Variants in HK2 observed in about 807,000 individuals in gnomAD.
HK2 encodes the protein hexokinase 2, also known as hexokinase-2.
A neutral mutation model predicts 92.9 loss-of-function variants in HK2; 42 were observed. That is an observed-to-expected ratio of 0.45 (90% confidence interval 0.35 to 0.58). HK2 has a LOEUF of 0.58. Ranked by LOEUF, HK2 falls within the 20% of genes least tolerant of loss-of-function variation. The pLI is 0.00. For synonymous variants in HK2, 422 were observed against 468.0 expected, an observed-to-expected ratio of 0.90 and a Z score of 1.27; for missense variants, 978 against 1,245.1, an observed-to-expected ratio of 0.79 and a Z score of 3.23.
At chr2:74,872,661 A>G (rs540650876) in intron 4 of HK2, among the ~76,000 whole-genome samples, 4 of 152,276 alleles carry the variant, frequency 2.6e-5, no homozygotes, top group African/African-American at 9.6e-5. Flanking sequence ...TCCCCTCCAC[A>G]GAAACAGGAA....
chr2:74,851,918 T>C (rs1688580520), intron 1 of HK2, among the ~76,000 whole-genome samples: 1 of 152,210 alleles, frequency 6.6e-6, no homozygotes, highest in Admixed American at 6.5e-5. Context: ...CCTGCAATGC[T>C]GTTTGACCTG....
At chr2:74,835,732 A>C (rs1368092507) in intron 1 of HK2, among the ~76,000 whole-genome samples, 1 of 152,314 alleles carries the variant, frequency 6.6e-6, no homozygotes, top group African/African-American at 2.4e-5. Context: ...GAGGTAGGGG[A>C]CAAGTTGGGA....
In HK2 at chr2:74,878,858, A is replaced by G. The variant is rs1380583227; in HGVS notation, c.1202A>G (p.Lys401Arg). ...AAVLQRIKEN[K>R]GEERLRSTIG... ...GTGCTGCAGCGCATCAAGGAGAACAAAGGCGAGGAGCGGCTGCGCTCTACT... is the reference window on the plus strand; with the variant it reads ...GTGCTGCAGCGCATCAAGGAGAACAGAGGCGAGGAGCGGCTGCGCTCTACT... Residue 401 changes from lysine to arginine, a missense_variant, in exon 9 of 18, where the codon AAA (lysine) becomes AGA (arginine). Transcript: ENST00000290573. 7 of 1,553,268 alleles carry G rather than the reference A, an allele frequency of 4.5e-6. No homozygotes were observed. Among genetic ancestry groups the G allele is most frequent in the East Asian group, 2.4e-5 (1 of 41,050 alleles).
At chr2:74,866,462 G>A (rs935246253) in intron 2 of HK2, among the ~76,000 whole-genome samples, 5 of 152,158 alleles carry the variant, frequency 3.3e-5, no homozygotes, top group African/African-American at 1.2e-4. Context: ...CTGCGGATGC[G>A]CCTTGCCTGC....
intron 2 of HK2, among the ~76,000 whole-genome samples, chr2:74,865,481 C>T (rs1036910532): frequency 6.6e-5 from 10 of 152,054 alleles, no homozygotes; most frequent in African/African-American, 2.2e-4. Flanking sequence ...GGCATTTCAT[C>T]TTTGATATCC....
At chr2:74,869,513 G>A (rs1011520463) in intron 3 of HK2, among the ~76,000 whole-genome samples, 9 of 152,188 alleles carry the variant, frequency 5.9e-5, no homozygotes, top group Non-Finnish European at 1.2e-4. Flanking sequence ...TTGTGAACCT[G>A]GGCAATGGGG....
intron 1 of HK2, chr2:74,835,219 C>G (rs1573345739): frequency 5.8e-6 from 1 of 173,376 alleles, no homozygotes. Flanking sequence ...CGCCGCGCCC[C>G]CTCCCCGGAA....
chr2:74,886,071 G>C (rs1264933785), intron 13 of HK2, among the ~76,000 whole-genome samples: 1 of 151,922 alleles, frequency 6.6e-6, no homozygotes, highest in East Asian at 1.9e-4. Flanking sequence ...GGGGTGAGGA[G>C]AGCAGATGGA....
chr2:74,888,863 T>A (rs913134360), intron 16 of HK2, among the ~76,000 whole-genome samples: 8 of 152,148 alleles, frequency 5.3e-5, no homozygotes, highest in African/African-American at 1.9e-4. Flanking sequence ...ACGAGTCTAA[T>A]GCTGCTTGGT....
rs1033529313 is a variant in HK2 at position 74,878,606 on chromosome 2, G to T, written c.1032-82G>T. 3.0e-5 allele frequency: 33 copies of T among 1,090,808 alleles called. No individual in the cohort carries two copies. In the Middle Eastern group the frequency reaches 5.9e-4, roughly 19 times the overall value. 67.6% of individuals were successfully genotyped at this position (1,090,808 alleles called of 1,614,324 possible). On this transcript the variant is annotated intron_variant, in intron 8 of 17. Coordinates refer to ENST00000290573, the MANE Select transcript of HK2 (RefSeq NM_000189.5). ...GGGTGGTGAATTTGCTGGAACTAAA[G>T]GGCTTCCTTGCCACCCCCCGACACA...
intron 1 of HK2, among the ~76,000 whole-genome samples, chr2:74,850,792 C>T (rs1182232371): frequency 6.6e-6 from 1 of 152,170 alleles, no homozygotes; most frequent in Non-Finnish European, 1.5e-5. Context: ...GCAGTGCCTA[C>T]CAGGGCTGGG....
chr2:74,849,728 C>CT (rs1688522944), intron 1 of HK2, among the ~76,000 whole-genome samples: 2 of 152,322 alleles, frequency 1.3e-5, no homozygotes, highest in East Asian at 1.9e-4. Flanking sequence ...ATAGAGAACT[C>CT]TTTTGTCCCC....
rs28363006 is a variant in HK2, at chr2:74,874,394, C to T, written c.820C>T (p.Arg274Cys). ...GGACGATGGCTCGCTCAACGACATT[C>T]GCACTGAGTTTGACCAGGAGATTGA... Reference protein sequence around the residue: ...FGDDGSLNDIRTEFDQEIDMG... With the variant: ...FGDDGSLNDICTEFDQEIDMG... Residue 274 changes from arginine (R) to cysteine (C), a missense_variant, in exon 7 of 18, where the codon CGC (arginine) becomes TGC (cysteine). This residue lies in a region of HK2 where 742 missense variants were observed against 922.5 expected (regional missense o/e 0.80). Coordinates refer to ENST00000290573, the MANE Select transcript of HK2 (RefSeq NM_000189.5). 1.1e-3 allele frequency: 1,796 copies of T among 1,613,002 alleles called. No homozygotes were observed. Among genetic ancestry groups the T allele is most frequent in the Non-Finnish European group, 1.4e-3 (1,664 of 1,179,466 alleles).
intron 3 of HK2, among the ~76,000 whole-genome samples, chr2:74,869,904 G>GCAAT (rs1689054236): frequency 6.6e-6 from 1 of 152,098 alleles, no homozygotes; most frequent in Admixed American, 6.6e-5. Flanking sequence ...TCTTCCCTGT[G>GCAAT]CAATATGATA....
chr2:74,849,764 G>A (rs1056687506), intron 1 of HK2, among the ~76,000 whole-genome samples: 4 of 152,206 alleles, frequency 2.6e-5, no homozygotes, highest in South Asian at 2.1e-4. Flanking sequence ...ACTCTGTCAT[G>A]TGGGGCTATT....
intron 12 of HK2, among the ~76,000 whole-genome samples, chr2:74,882,511 T>G (rs556368431): frequency 6.7e-6 from 1 of 149,572 alleles, no homozygotes; most frequent in Non-Finnish European, 1.5e-5. Flanking sequence ...ACCTGTAATC[T>G]CAGCACTTTG....
chr2:74,861,887 C>T (rs551237295), intron 2 of HK2, among the ~76,000 whole-genome samples: 3 of 152,156 alleles, frequency 2.0e-5, no homozygotes, highest in East Asian at 1.9e-4. Context: ...TATAACTATG[C>T]CTTATGAGAC....
At chr2:74,885,307 C>T (rs1028299674) in intron 12 of HK2, among the ~76,000 whole-genome samples, 187 bp from the exon 13 acceptor site, 1 of 152,200 alleles carries the variant, frequency 6.6e-6, no homozygotes, top group Admixed American at 6.5e-5. Context: ...GTACCTGCTA[C>T]ACAGTAGGTG....
At chr2:74,885,655 C>A in intron 13 of HK2, 66 bp downstream of exon 13, 1 of 1,095,996 alleles carries the variant, frequency 9.1e-7, no homozygotes, top group Non-Finnish European at 1.4e-6. Context: ...TCTGTGTGTT[C>A]AGAAAGTGAA....
Sources: gnomAD v4.1 joint callset for allele counts (sites outside exome capture counted in the v4.1 genomes callset) on GRCh38, gnomAD v4.1.1 for gene constraint, gnomAD v4.1.1 regional missense constraint, MANE v1.5 for transcripts, NCBI Gene and HGNC (gene_info 2026-07-23, HGNC 2026-07-21) for gene names.